Variants in ATP2A3 observed in about 807,000 individuals in gnomAD.
ATP2A3 encodes sarcoplasmic/endoplasmic reticulum calcium ATPase 3.
A neutral mutation model predicts 106.8 loss-of-function variants in ATP2A3; 61 were observed. That is an observed-to-expected ratio of 0.57 (90% CI 0.46 to 0.71). ATP2A3 has a LOEUF of 0.71. Among genes scored for constraint, ATP2A3 ranks in the 30% least tolerant of loss-of-function variants. ATP2A3 has a pLI of 0.00. For missense variants in ATP2A3, 1,201 were observed against 1,423.5 expected, an observed-to-expected ratio of 0.84 and a Z score of 2.52; for synonymous variants, 611 against 609.3, an observed-to-expected ratio of 1.00 and a Z score of -0.04.
chr17:3,929,231 G>A lies in ATP2A3; in HGVS notation c.2862+97C>T. 8.7e-7 allele frequency: 1 copy of A among 1,150,340 alleles called. No homozygotes were observed. The highest frequency in any genetic ancestry group is 1.2e-6 in the Non-Finnish European group (1 of 801,956). 71.3% of individuals were successfully genotyped at this position (1,150,340 alleles called of 1,614,324 possible). ...GACCTCTCACCTCCCTCTCCTCCAG[G>A]TAGTTTCCATTGCAGGGGGGCCAGA... On this transcript the variant is annotated intron_variant, in intron 19 of 20. Transcript: ENST00000397041. The surrounding 1 kb of genome is among the most constrained non-coding windows in gnomAD (Gnocchi z 4.3).
Position 3,935,037 on chromosome 17 carries a change from T to G in ATP2A3, c.2610+155A>C, listed in dbSNP as rs2053350696. 1.4e-5 allele frequency: 11 copies of G among 814,260 alleles called. No individual in the cohort carries two copies. In the South Asian group the frequency reaches 1.6e-4, roughly 12 times the overall value. 50.4% of individuals were successfully genotyped at this position (814,260 alleles called of 1,614,324 possible). The stretch of plus-strand genomic sequence containing the variant: ...TGGTGTCTCTGGGTTTCCCGTGGGC[T>G]CTGAGCTCGGCTCCCCAGGTGGGGA... On this transcript the variant is annotated intron_variant, in intron 17 of 20. Transcript: ENST00000397041.
Position 3,930,869 on chromosome 17 carries a change from T to G in ATP2A3, c.2611-435A>C. ...CTGTTATTAAGATTCCATTTACAGC[T>G]GGGCGTGGTGGCTCATGCCTGTCAT... On this transcript the variant is annotated intron_variant, in intron 17 of 20. Transcript: ENST00000397041. The surrounding 1 kb of genome is among the most constrained non-coding windows in gnomAD (Gnocchi z 5.4). 1 of 295,288 alleles carries G rather than the reference T, an allele frequency of 3.4e-6. No individual in the cohort carries two copies. The highest frequency in any genetic ancestry group is 6.7e-6 in the Non-Finnish European group (1 of 149,788). 18.3% of individuals were successfully genotyped at this position (295,288 alleles called of 1,614,324 possible). A position where few individuals can be genotyped will look rare whatever the true frequency, so the allele number is the denominator to read the frequency against.
At chr17:3,938,142 C>T (rs2301351) in intron 14 of ATP2A3, among the ~76,000 whole-genome samples, 40,498 of 152,052 alleles carry the variant, frequency 0.27, 5,499 homozygotes, top group East Asian at 0.49. Context: ...CAAGGTCAAA[C>T]TGAAGGCCAG....
At chr17:3,962,080 A>G (rs1017671168) in intron 1 of ATP2A3, among the ~76,000 whole-genome samples, 1 of 152,182 alleles carries the variant, frequency 6.6e-6, no homozygotes, top group East Asian at 1.9e-4. Flanking sequence ...ATCTGAGAGA[A>G]GAGCCCTCTA....
At position 3,928,395 on chromosome 17, in the gene ATP2A3, G is replaced by T; in HGVS notation, c.2980+268C>A. 1 of 1,462,108 alleles carries T rather than the reference G, an allele frequency of 6.8e-7. No homozygotes were observed. Among genetic ancestry groups the T allele is most frequent in the Non-Finnish European group, 9.5e-7 (1 of 1,055,736 alleles). The allele number at this position is 1,462,108 out of a possible 1,614,324, so 90.6% of individuals were successfully genotyped here. On this transcript the variant is annotated intron_variant, in intron 20 of 20. Coordinates refer to ENST00000397041, the MANE Select transcript of ATP2A3 (RefSeq NM_005173.4). This position sits in a 1 kb window ranked among gnomAD's most constrained non-coding sequence, Gnocchi z 6.1. ...CAGTGCCCTGGCCATGTAGGGGGTG[G>T]CAGGTGAAGACAGTGAGGCAGTGTG...
rs2052606669 is a variant in ATP2A3 at position 3,924,601 on chromosome 17, C to T, written c.*821G>A. 2.8e-6 allele frequency: 1 copy of T among 355,816 alleles called. No individual in the cohort carries two copies. Among genetic ancestry groups the T allele is most frequent in the South Asian group, 2.1e-5 (1 of 48,502 alleles). 22.0% of individuals were successfully genotyped at this position (355,816 alleles called of 1,614,324 possible). On this transcript the variant is annotated 3_prime_UTR_variant, in exon 21 of 21. Transcript: ENST00000397041. This position sits in a 1 kb window ranked among gnomAD's most constrained non-coding sequence, Gnocchi z 6.4. ...CCAGGGACGCGGGTGGCAAGTTGGACCTCTGCGTGGCAGACCGGGCGGCAG... is the reference window on the plus strand; with the variant it reads ...CCAGGGACGCGGGTGGCAAGTTGGATCTCTGCGTGGCAGACCGGGCGGCAG...
chr17:3,949,722 G>A (rs188379023), intron 7 of ATP2A3, among the ~76,000 whole-genome samples: 7 of 152,254 alleles, frequency 4.6e-5, no homozygotes, highest in Admixed American at 4.6e-4. Context: ...TTGGTGTTAA[G>A]GATTAAATAA....
At chr17:3,958,901 G>T (rs188087043) in intron 1 of ATP2A3, among the ~76,000 whole-genome samples, 7,408 of 102,680 alleles carry the variant, frequency 0.072, 661 homozygotes, top group Middle Eastern at 0.13. Context: ...TATATATATT[G>T]TTTTTTTTCA....
At chr17:3,942,967 G>A (rs2053867768) in intron 11 of ATP2A3, among the ~76,000 whole-genome samples, 1 of 152,148 alleles carries the variant, frequency 6.6e-6, no homozygotes, top group African/African-American at 2.4e-5. Context: ...CCCACACGCA[G>A]CCTTCTCCCC....
At chr17:3,958,392 A>G (rs2054906526) in intron 1 of ATP2A3, among the ~76,000 whole-genome samples, 1 of 152,110 alleles carries the variant, frequency 6.6e-6, no homozygotes. Context: ...GGTGCTCAGT[A>G]AACATATGTG....
intron 1 of ATP2A3, among the ~76,000 whole-genome samples, chr17:3,956,412 T>C (rs2054784582): frequency 1.3e-5 from 2 of 152,144 alleles, no homozygotes; most frequent in Non-Finnish European, 2.9e-5. Context: ...GGTGGGGGAC[T>C]TTCTAGGAGG....
At chr17:3,944,451 C>G (rs1242310880) in intron 10 of ATP2A3, among the ~76,000 whole-genome samples, 1 of 152,176 alleles carries the variant, frequency 6.6e-6, no homozygotes, top group Non-Finnish European at 1.5e-5. Flanking sequence ...CTCTTCCCCC[C>G]ACAGGTTTCC....
chr17:3,958,721 C>T (rs945238668), intron 1 of ATP2A3, among the ~76,000 whole-genome samples: 2 of 97,908 alleles, frequency 2.0e-5, no homozygotes, highest in African/African-American at 8.9e-5. Flanking sequence ...TATATATACA[C>T]ATATATATAC....
At chr17:3,957,882 G>A (rs1425060703) in intron 1 of ATP2A3, among the ~76,000 whole-genome samples, 2 of 152,240 alleles carry the variant, frequency 1.3e-5, no homozygotes, top group African/African-American at 4.8e-5. Flanking sequence ...ACAGGACCAG[G>A]AGGTGCCGCT....
At position 3,929,487 on chromosome 17, in the gene ATP2A3, G is replaced by A. The variant is rs748008438; in HGVS notation, c.2745-42C>T. 14 of 1,532,402 alleles carry A rather than the reference G, an allele frequency of 9.1e-6. No homozygotes were observed. Among genetic ancestry groups the A allele is most frequent in the African/African-American group, 2.7e-5 (2 of 72,796 alleles). The allele number at this position is 1,532,402 out of a possible 1,614,324, so 94.9% of individuals were successfully genotyped here. ...TGCTCCCCTTAGGCCGGGGTGCAGG[G>A]AGGCCCTGCCAGGCACCCACCCCCA... is the stretch of plus-strand genomic sequence containing the variant. On this transcript the variant is annotated intron_variant, in intron 18 of 20. Coordinates refer to ENST00000397041, the MANE Select transcript of ATP2A3 (RefSeq NM_005173.4). This position sits in a 1 kb window ranked among gnomAD's most constrained non-coding sequence, Gnocchi z 4.3.
chr17:3,927,903 G>A (rs2052799981), intron 20 of ATP2A3: 1 of 1,599,020 alleles, frequency 6.3e-7, no homozygotes. Flanking sequence ...CCACTGCCCA[G>A]CCCAACCTAG....
At chr17:3,959,495 G>C (rs1372184529) in intron 1 of ATP2A3, among the ~76,000 whole-genome samples, 1 of 152,190 alleles carries the variant, frequency 6.6e-6, no homozygotes, top group African/African-American at 2.4e-5. Flanking sequence ...CCAGGGAGAA[G>C]GGGGGTAAGC....
chr17:3,949,616 T>C (rs1008544145), intron 7 of ATP2A3, among the ~76,000 whole-genome samples: 1 of 152,256 alleles, frequency 6.6e-6, no homozygotes, highest in Non-Finnish European at 1.5e-5. Context: ...ATTGGCTGTG[T>C]GACCTTGGGA....
Position 3,947,580 on chromosome 17 carries a change from C to G in ATP2A3, c.906G>C (p.Leu302=), listed in dbSNP as rs751947677. Reference sequence around the variant, plus strand: ...GGCCCTCGGGGATGGCCGCCACCGCCAGGGCCACGGCGATCTTGAAGTAGT... The same window carrying G: ...GGCCCTCGGGGATGGCCGCCACCGCGAGGGCCACGGCGATCTTGAAGTAGT... ...AVYYFKIAVA[L]AVAAIPEGLP... is the part of the protein sequence containing the mutation. The change falls in exon 8 of 21, where the codon CTG becomes CTC. Residue 302 remains leucine, a synonymous_variant. Transcript: ENST00000397041. The surrounding 1 kb of genome is among the most constrained non-coding windows in gnomAD (Gnocchi z 7.7). 4.5e-5 allele frequency: 72 copies of G among 1,612,840 alleles called. No homozygotes were observed. The highest frequency in any genetic ancestry group is 5.9e-5 in the Non-Finnish European group (70 of 1,179,914).
Sources: allele counts gnomAD v4.1 joint callset (sites outside exome capture counted in the v4.1 genomes callset), GRCh38; gene constraint gnomAD v4.1.1; non-coding constraint Gnocchi (gnomAD v3.1); transcripts MANE v1.5; gene names NCBI Gene and HGNC (gene_info 2026-07-23, HGNC 2026-07-21).